Variants in MAGI2 observed in about 807,000 individuals in gnomAD.
MAGI2 encodes the protein membrane-associated guanylate kinase, WW and PDZ domain-containing protein 2.
A neutral mutation model predicts 133.3 loss-of-function variants in MAGI2; 35 were observed. The observed-to-expected ratio is 0.26, with a 90% CI of 0.20 to 0.35. MAGI2 has a LOEUF of 0.35. MAGI2 is among the 10% of genes least tolerant of loss of function. The pLI is 1.00. For missense variants in MAGI2, 1,636 were observed against 1,863.4 expected, an observed-to-expected ratio of 0.88 and a Z score of 2.25; for synonymous variants, 729 against 710.6, an observed-to-expected ratio of 1.03 and a Z score of -0.41.
chr7:78,397,898 T>C (rs926250718), intron 6 of MAGI2, among the ~76,000 whole-genome samples: 2 of 152,214 alleles, frequency 1.3e-5, no homozygotes, highest in Non-Finnish European at 2.9e-5. Context: ...TGTCCTCTTT[T>C]ATTTCTAATT....
At chr7:78,411,353 T>C (rs1425032578) in intron 6 of MAGI2, among the ~76,000 whole-genome samples, 1 of 152,026 alleles carries the variant, frequency 6.6e-6, no homozygotes, top group Non-Finnish European at 1.5e-5. Context: ...GAACTGAGAT[T>C]TCTTACTTTA....
intron 3 of MAGI2, among the ~76,000 whole-genome samples, chr7:78,604,472 C>G (rs1255938896): frequency 6.6e-6 from 1 of 152,164 alleles, no homozygotes; most frequent in African/African-American, 2.4e-5. Flanking sequence ...CCCATTATCT[C>G]CCGTCCCAGA....
rs185104052 is a variant in MAGI2, at chr7:79,274,488, G to A, written c.301+178532C>T. Among the ~76,000 whole-genome samples the A allele has an allele frequency of 5.9e-4, 89 of 151,970 alleles. 1 individual carries two copies. Among genetic ancestry groups the A allele is most frequent in the African/African-American group, 2.0e-3 (81 of 41,482 alleles). ...AATTTAAGCACATGGTTTTCCGTGAGGAACCAGATTAGGAAATGTGGCCGT... is the reference window on the plus strand; with the variant it reads ...AATTTAAGCACATGGTTTTCCGTGAAGAACCAGATTAGGAAATGTGGCCGT... On this transcript the variant is annotated intron_variant, in intron 1 of 21. Transcript: ENST00000354212.
chr7:79,255,297 C>G (rs552042794), intron 1 of MAGI2, among the ~76,000 whole-genome samples: 2 of 152,132 alleles, frequency 1.3e-5, no homozygotes, highest in Admixed American at 1.3e-4. Context: ...AACCGATGCC[C>G]AATTGAAAGG....
chr7:78,666,152 T>A (rs936009597), intron 2 of MAGI2, among the ~76,000 whole-genome samples: 3 of 152,184 alleles, frequency 2.0e-5, no homozygotes, highest in Non-Finnish European at 4.4e-5. Context: ...TTTGGAACTT[T>A]ATAGCTTCCC....
intron 3 of MAGI2, among the ~76,000 whole-genome samples, chr7:78,571,444 A>G (rs1801489373): frequency 6.6e-6 from 1 of 152,194 alleles, no homozygotes; most frequent in African/African-American, 2.4e-5. Flanking sequence ...CGGCTCAAAG[A>G]TGCTTGAAAT....
chr7:78,456,072 C>CTT (rs374928010), intron 6 of MAGI2, among the ~76,000 whole-genome samples: 1 of 146,834 alleles, frequency 6.8e-6, no homozygotes. Flanking sequence ...ACATGATGTA[C>CTT]TTTTTTTTTT....
chr7:78,695,867 T>C (rs1421380506), intron 2 of MAGI2, among the ~76,000 whole-genome samples: 1 of 152,242 alleles, frequency 6.6e-6, no homozygotes, highest in Non-Finnish European at 1.5e-5. Flanking sequence ...ACAAGATTTC[T>C]GGTATTCTCT....
intron 1 of MAGI2, among the ~76,000 whole-genome samples, chr7:79,337,482 A>G (rs561572420): frequency 2.0e-5 from 3 of 152,332 alleles, no homozygotes; most frequent in Admixed American, 2.0e-4. Context: ...AGAAAGATCT[A>G]CAGCATAAGT....
chr7:78,684,778 T>C (rs1216181304), intron 2 of MAGI2, among the ~76,000 whole-genome samples: 1 of 152,118 alleles, frequency 6.6e-6, no homozygotes, highest in African/African-American at 2.4e-5. Flanking sequence ...GATGTAGCTA[T>C]GATATCCTCG....
chr7:78,789,192 C>A (rs1441963678), intron 2 of MAGI2, among the ~76,000 whole-genome samples: 2 of 152,192 alleles, frequency 1.3e-5, no homozygotes, highest in African/African-American at 4.8e-5. Context: ...TCTCTCCTCT[C>A]CCTAAGATTT....
At chr7:78,702,134 G>A (rs74960272) in intron 2 of MAGI2, among the ~76,000 whole-genome samples, 194 of 152,024 alleles carry the variant, frequency 1.3e-3, no homozygotes, top group African/African-American at 4.5e-3. Flanking sequence ...ACTGTCATTT[G>A]GTATTTCAAA....
At chr7:78,179,938 G>C (rs116410543) in intron 13 of MAGI2, among the ~76,000 whole-genome samples, 2,246 of 152,246 alleles carry the variant, frequency 0.015, 58 homozygotes, top group African/African-American at 0.052. Context: ...GGAGGCAGAT[G>C]GAGTAGAGCT....
intron 1 of MAGI2, among the ~76,000 whole-genome samples, chr7:79,070,560 C>T (rs968099210): frequency 3.3e-5 from 5 of 151,856 alleles, no homozygotes; most frequent in African/African-American, 7.2e-5. Context: ...GGCACGATCT[C>T]GGCTCACTGC....
chr7:78,867,888 C>T (rs190815626), intron 2 of MAGI2, among the ~76,000 whole-genome samples: 27 of 151,590 alleles, frequency 1.8e-4, no homozygotes, highest in South Asian at 4.2e-4. Context: ...GCATATGTTT[C>T]GGGCTTGAAA....
At chr7:79,156,828 T>G (rs926942887) in intron 1 of MAGI2, among the ~76,000 whole-genome samples, 1 of 152,054 alleles carries the variant, frequency 6.6e-6, no homozygotes, top group Non-Finnish European at 1.5e-5. Flanking sequence ...TTATTTTCAT[T>G]GACAATAATT....
intron 6 of MAGI2, among the ~76,000 whole-genome samples, chr7:78,393,824 C>A (rs1796108906): frequency 6.6e-6 from 1 of 152,140 alleles, no homozygotes; most frequent in African/African-American, 2.4e-5. Flanking sequence ...CAAGTATATA[C>A]CCTAACAGAT....
chr7:78,723,063 C>G (rs566731730), intron 2 of MAGI2, among the ~76,000 whole-genome samples: 115 of 152,160 alleles, frequency 7.6e-4, no homozygotes, highest in African/African-American at 2.7e-3. Context: ...CCCAGGCCAC[C>G]TTAAGATATT....
intron 21 of MAGI2, among the ~76,000 whole-genome samples, chr7:78,063,261 AGACAGGGTCCCACTCTGTCACCC>A (rs1813469942): frequency 6.6e-6 from 1 of 151,076 alleles, no homozygotes; most frequent in Admixed American, 6.6e-5. Flanking sequence ...TTTTCTTTTG[AGACAGGGTCCCACTCTGTCACCC>A]AGGCTGGAGT....
Sources: allele counts gnomAD v4.1 joint callset (sites outside exome capture counted in the v4.1 genomes callset), GRCh38; gene constraint gnomAD v4.1.1; transcripts MANE v1.5; gene names NCBI Gene and HGNC (gene_info 2026-07-23, HGNC 2026-07-21).